SNX29: variants seen among roughly 807,000 people sequenced by gnomAD.
SNX29 encodes the protein sorting nexin 29.
Under a neutral mutation model 102.1 loss-of-function variants are expected in SNX29, and 78 were observed. That is an observed-to-expected ratio of 0.76 (90% CI 0.64 to 0.92). The LOEUF is 0.92. Among genes scored for constraint, SNX29 ranks in the 40% least tolerant of loss-of-function variants. The probability of loss-of-function intolerance (pLI) is 0.00; values close to 1 mark genes in which losing one functional copy is unlikely to be tolerated. For synonymous variants in SNX29, 580 were observed against 414.5 expected, an observed-to-expected ratio of 1.40 and a Z score of -4.85; for missense variants, 1,280 against 1,061.7, an observed-to-expected ratio of 1.21 and a Z score of -2.86.
intron 14 of SNX29, among the ~76,000 whole-genome samples, chr16:12,215,301 G>A (rs1393720574): frequency 2.9e-5 from 4 of 139,344 alleles, no homozygotes; most frequent in East Asian, 2.2e-4. Flanking sequence ...AGTTTGAGAC[G>A]CAATCTCTAC....
At chr16:12,168,778 C>T (rs369180288) in intron 13 of SNX29, among the ~76,000 whole-genome samples, 1 of 152,340 alleles carries the variant, frequency 6.6e-6, no homozygotes, top group East Asian at 1.9e-4. Flanking sequence ...AAATTTCTAT[C>T]AACGCATTCT....
intron 15 of SNX29, among the ~76,000 whole-genome samples, chr16:12,282,391 T>C (rs748928582): frequency 5.3e-5 from 8 of 152,188 alleles, no homozygotes; most frequent in Non-Finnish European, 8.8e-5. Context: ...ATCTTGTCTG[T>C]GCCAAGGATT....
At chr16:12,107,050 T>G (rs967766382) in intron 11 of SNX29, among the ~76,000 whole-genome samples, 1 of 152,208 alleles carries the variant, frequency 6.6e-6, no homozygotes, top group Non-Finnish European at 1.5e-5. Flanking sequence ...ACTCCTGGGC[T>G]AAAGCAATCC....
chr16:12,544,537 A>G (rs974750509), intron 20 of SNX29, among the ~76,000 whole-genome samples: 12 of 152,106 alleles, frequency 7.9e-5, no homozygotes, highest in Admixed American at 2.6e-4. Context: ...GTGGCCTAGG[A>G]ACATTCTCTG....
At chr16:12,312,052 G>C (rs1299851045) in intron 15 of SNX29, among the ~76,000 whole-genome samples, 5 of 152,108 alleles carry the variant, frequency 3.3e-5, no homozygotes, top group African/African-American at 1.2e-4. Context: ...CATCCTGCTG[G>C]GCAGAGTTTA....
intron 20 of SNX29, among the ~76,000 whole-genome samples, chr16:12,552,744 A>G (rs1463404528): frequency 6.6e-6 from 1 of 152,220 alleles, no homozygotes; most frequent in African/African-American, 2.4e-5. Flanking sequence ...CTCCAGTGAA[A>G]TCACTTCTGA....
chr16:12,022,427 C>G (rs937220072), intron 3 of SNX29, among the ~76,000 whole-genome samples: 1 of 152,124 alleles, frequency 6.6e-6, no homozygotes, highest in Admixed American at 6.5e-5. Context: ...TCTTGAACTC[C>G]TGACCTCAGG....
chr16:12,331,542 G>T (rs1045984351), intron 15 of SNX29, among the ~76,000 whole-genome samples: 1 of 152,092 alleles, frequency 6.6e-6, no homozygotes, highest in African/African-American at 2.4e-5. Context: ...GAACACAGAA[G>T]ACCTGTTCCA....
intron 4 of SNX29, among the ~76,000 whole-genome samples, chr16:12,031,749 G>C (rs1299066744): frequency 6.6e-6 from 1 of 152,024 alleles, no homozygotes; most frequent in Non-Finnish European, 1.5e-5. Context: ...AGCTTGCAGT[G>C]AGCCGAGATC....
At chr16:12,462,830 C>T (rs548781996) in intron 18 of SNX29, among the ~76,000 whole-genome samples, 103 of 152,312 alleles carry the variant, frequency 6.8e-4, no homozygotes, top group African/African-American at 2.5e-3. Flanking sequence ...ATGGAGCAGC[C>T]TGTTTAGCAA....
At chr16:12,514,726 G>A (rs1215079185) in intron 19 of SNX29, among the ~76,000 whole-genome samples, 4 of 152,086 alleles carry the variant, frequency 2.6e-5, no homozygotes, top group African/African-American at 4.8e-5. Flanking sequence ...TTAGCTGGGC[G>A]TGGTGGCATG....
chr16:12,068,715 T>C (rs554215086), intron 9 of SNX29, among the ~76,000 whole-genome samples: 1 of 152,174 alleles, frequency 6.6e-6, no homozygotes, highest in Non-Finnish European at 1.5e-5. Flanking sequence ...CAGCTAATTT[T>C]TGTATTTTTA....
At chr16:12,248,117 C>A (rs994045540) in intron 14 of SNX29, among the ~76,000 whole-genome samples, 1 of 152,200 alleles carries the variant, frequency 6.6e-6, no homozygotes, top group Admixed American at 6.5e-5. Flanking sequence ...GCCAGGTGAT[C>A]CTTTGAAAAT....
intron 18 of SNX29, among the ~76,000 whole-genome samples, chr16:12,424,117 A>G (rs1354245692): frequency 6.6e-6 from 1 of 152,236 alleles, no homozygotes; most frequent in African/African-American, 2.4e-5. Flanking sequence ...TTTAGTTTTA[A>G]GAGGATGACT....
intron 11 of SNX29, chr16:12,087,196 ACC>A: frequency 6.5e-6 from 1 of 153,606 alleles, no homozygotes; most frequent in South Asian, 2.0e-4. Flanking sequence ...AGAGTTTGAG[ACC>A]AGCCTGGCCA....
At chr16:12,530,056 G>T (rs2076890314) in intron 20 of SNX29, among the ~76,000 whole-genome samples, 1 of 152,202 alleles carries the variant, frequency 6.6e-6, no homozygotes. Flanking sequence ...GTGTGTCCCA[G>T]TTCGGCACCG....
chr16:12,392,172 TCTC>T (rs753495456), intron 16 of SNX29, among the ~76,000 whole-genome samples: 1 of 152,192 alleles, frequency 6.6e-6, no homozygotes, highest in Non-Finnish European at 1.5e-5. Flanking sequence ...ATCTTAGAGA[TCTC>T]CTCCTCTTTA....
chr16:12,142,451 T>C (rs1267462796), intron 13 of SNX29, among the ~76,000 whole-genome samples: 1 of 151,892 alleles, frequency 6.6e-6, no homozygotes, highest in Non-Finnish European at 1.5e-5. Flanking sequence ...GGGCTGGGGG[T>C]GAGTACAAGA....
At chr16:12,352,541 A>T (rs1485741110) in intron 15 of SNX29, among the ~76,000 whole-genome samples, 1 of 152,252 alleles carries the variant, frequency 6.6e-6, no homozygotes, top group Non-Finnish European at 1.5e-5. Context: ...AGATGTTGCC[A>T]AATAGGCAAG....
Sources: gnomAD v4.1 joint callset for allele counts (sites outside exome capture counted in the v4.1 genomes callset) on GRCh38, gnomAD v4.1.1 for gene constraint, MANE v1.5 for transcripts, NCBI Gene and HGNC (gene_info 2026-07-23, HGNC 2026-07-21) for gene names.